The following XIAP variants were observed in gnomAD, a reference collection of about 807,000 sequenced individuals.
The protein encoded by XIAP is E3 ubiquitin-protein ligase XIAP.
A neutral mutation model predicts 33.1 loss-of-function variants in XIAP; 3 were observed. The ratio of observed to expected loss-of-function variants is 0.09; its 90% CI spans 0.04 to 0.23. The LOEUF is 0.23. XIAP is among the 10% of genes least tolerant of loss of function. The pLI, the probability that XIAP is intolerant of heterozygous loss-of-function variation, is 1.00. For missense variants in XIAP, 264 were observed against 363.0 expected, an observed-to-expected ratio of 0.73 and a Z score of 2.22; for synonymous variants, 98 against 121.3, an observed-to-expected ratio of 0.81 and a Z score of 1.26.
At chrX:123,891,079 A>G (rs757852368) in intron 3 of XIAP, among the ~76,000 whole-genome samples, 159 bp from the exon 4 acceptor site, 1 of 112,085 alleles carries the variant, frequency 8.9e-6, no homozygotes, top group African/African-American at 3.2e-5. Context: ...TTAAAATGAC[A>G]GTGGGATAGG....
In XIAP at chrX:123,912,146, T is replaced by C. The variant is rs774688015; in HGVS notation, c.*4965T>C. 6.2e-6 allele frequency: 2 copies of C among 321,631 alleles called. No individual in the cohort carries two copies. Among genetic ancestry groups the C allele is most frequent in the Non-Finnish European group, 1.2e-5 (2 of 168,413 alleles). 26.5% of individuals were successfully genotyped at this position (321,631 alleles called of 1,213,427 possible). A position where few individuals can be genotyped will look rare whatever the true frequency, so the allele number is the denominator to read the frequency against. The stretch of plus-strand genomic sequence containing the variant: ...ATAATAGGACAATCATCAATGCATA[T>C]ATAGCCAGCCCTTCATATCTGTGGG... On this transcript the variant is annotated 3_prime_UTR_variant, in exon 7 of 7. Coordinates refer to ENST00000371199, the MANE Select transcript of XIAP (RefSeq NM_001167.4).
chrX:123,859,769 G>A (rs1263599764), upstream of XIAP: 2 of 206,049 alleles, frequency 9.7e-6, no homozygotes, highest in Non-Finnish European at 8.9e-6. Flanking sequence ...CGGGCGGGGG[G>A]GTCGGGTGGG....
Position 123,881,630 on chromosome X carries a change from A to G in XIAP, c.-32-4001A>G, listed in dbSNP as rs761659915. ...TCTGGGAAGATAAGATCTCCACTCAAAAGCTTCAAATTGAGATTCTCCTGC... is the reference window on the plus strand; with the variant it reads ...TCTGGGAAGATAAGATCTCCACTCAGAAGCTTCAAATTGAGATTCTCCTGC... On this transcript the variant is annotated intron_variant, in intron 1 of 6. Transcript: ENST00000371199. Among the ~76,000 whole-genome samples, 3 of 112,120 alleles carry G rather than the reference A, an allele frequency of 2.7e-5. No homozygotes were observed. The South Asian group carries it at 1.1e-3, about 41-fold the overall frequency.
intron 1 of XIAP, among the ~76,000 whole-genome samples, chrX:123,883,359 C>T (rs1221780802): frequency 9.0e-6 from 1 of 111,381 alleles, no homozygotes; most frequent in Non-Finnish European, 1.9e-5. Context: ...GCTGAGATTA[C>T]AGGCATGAGT....
chrX:123,894,130 G>A (rs1164064200), intron 5 of XIAP, among the ~76,000 whole-genome samples: 3 of 112,338 alleles, frequency 2.7e-5, no homozygotes, highest in African/African-American at 9.7e-5. Flanking sequence ...TCTTCACAGA[G>A]GTGTAAGTTT....
intron 4 of XIAP, among the ~76,000 whole-genome samples, chrX:123,891,842 AAAGAG>A (rs1259681878): frequency 3.7e-5 from 4 of 108,724 alleles, no homozygotes; most frequent in Non-Finnish European, 7.6e-5. Flanking sequence ...AAAAAAAAAA[AAAGAG>A]AGAGCCTAAA....
chrX:123,881,996 C>G (rs1046998547), intron 1 of XIAP, among the ~76,000 whole-genome samples: 2 of 111,495 alleles, frequency 1.8e-5, no homozygotes, highest in African/African-American at 6.5e-5. Context: ...CTCAAGTGAT[C>G]CACCCACCTC....
chrX:123,887,316 G>C (rs774450176), intron 2 of XIAP, among the ~76,000 whole-genome samples: 6 of 112,391 alleles, frequency 5.3e-5, no homozygotes, highest in African/African-American at 1.9e-4. Context: ...CCAAAGTGCT[G>C]GGATTACAGG....
rs149254603 is a variant in XIAP at position 123,912,937 on chromosome X, C to T, written c.*5756C>T. 6.1e-3 allele frequency: 1,854 copies of T among 301,895 alleles called. 28 individuals are homozygous for T. The highest frequency in any genetic ancestry group is 0.047 in the African/African-American group (1,702 of 36,088). 24.9% of individuals were successfully genotyped at this position (301,895 alleles called of 1,213,427 possible). On this transcript the variant is annotated 3_prime_UTR_variant, in exon 7 of 7. Coordinates refer to ENST00000371199, the MANE Select transcript of XIAP (RefSeq NM_001167.4). ...CTGGGATTACAGGCGTGAGCCACCA[C>T]GGCCGGCTAATTTTTGTATTTTTTA... is the stretch of plus-strand genomic sequence containing the variant.
chrX:123,889,909 A>G (rs1163761398), intron 3 of XIAP, among the ~76,000 whole-genome samples: 1 of 108,105 alleles, frequency 9.3e-6, no homozygotes, highest in Admixed American at 1.0e-4. Context: ...GTGAGAGCCC[A>G]TATTGCCAAG....
At position 123,912,742 on chromosome X, in the gene XIAP, T is replaced by C. The variant is rs1476523876; in HGVS notation, c.*5561T>C. 6.1e-6 allele frequency: 2 copies of C among 325,583 alleles called. No homozygotes were observed. The highest frequency in any genetic ancestry group is 5.9e-6 in the Non-Finnish European group (1 of 169,251). 26.8% of individuals were successfully genotyped at this position (325,583 alleles called of 1,213,427 possible). On this transcript the variant is annotated 3_prime_UTR_variant, in exon 7 of 7. Coordinates refer to ENST00000371199, the MANE Select transcript of XIAP (RefSeq NM_001167.4). ...CTGTGTTGCCCAGGATGGAGTGCAA[T>C]GGCACAATCTTGGCTCATGGCAAAC... is the stretch of plus-strand genomic sequence containing the variant.
At chrX:123,872,703 A>G (rs1169645036) in intron 1 of XIAP, 1 of 110,847 alleles carries the variant, frequency 9.0e-6, no homozygotes, top group Non-Finnish European at 1.9e-5. Flanking sequence ...AAGAAACCCA[A>G]TAAGTAGCAA....
In XIAP at chrX:123,907,646, A is replaced by T. The variant is rs1390887286; in HGVS notation, c.*465A>T. The T allele has an allele frequency of 2.7e-5, 10 of 370,772 alleles. 1 individual carries two copies. Among genetic ancestry groups the T allele is most frequent in the African/African-American group, 2.5e-4 (10 of 39,919 alleles). The allele number at this position is 370,772 out of a possible 1,213,427, so 30.6% of individuals were successfully genotyped here. A position where few individuals can be genotyped will look rare whatever the true frequency, so the allele number is the denominator to read the frequency against. ...GTTCCATGCTGGTGGAAAGATAGAG[A>T]TTGTTTTTAGAGGTTGGTTGTTGTG... On this transcript the variant is annotated 3_prime_UTR_variant, in exon 7 of 7. Coordinates refer to ENST00000371199, the MANE Select transcript of XIAP (RefSeq NM_001167.4).
intron 5 of XIAP, among the ~76,000 whole-genome samples, chrX:123,896,306 A>G (rs1040126832): frequency 3.6e-5 from 4 of 110,072 alleles, no homozygotes; most frequent in African/African-American, 9.9e-5. Flanking sequence ...GGCTCAAACA[A>G]TCTGCCTCCC....
At chrX:123,887,011 C>T (rs1035281316) in intron 2 of XIAP, among the ~76,000 whole-genome samples, 7 of 112,034 alleles carry the variant, frequency 6.2e-5, no homozygotes, top group Admixed American at 9.5e-5. Context: ...CCTCCACCTC[C>T]CGGGTTCAAG....
intron 1 of XIAP, chrX:123,874,445 A>G (rs925636679): frequency 1.8e-5 from 2 of 111,350 alleles, no homozygotes; most frequent in Non-Finnish European, 3.8e-5. Flanking sequence ...TTTTCCACTT[A>G]ATACAACATC....
At chrX:123,896,151 C>T (rs1001883026) in intron 5 of XIAP, among the ~76,000 whole-genome samples, 14 of 110,798 alleles carry the variant, frequency 1.3e-4, no homozygotes, top group African/African-American at 3.0e-4. Context: ...ACTGTGGCCT[C>T]GACCTCCCTG....
chrX:123,860,569 TA>T, intron 1 of XIAP: 1 of 248,530 alleles, frequency 4.0e-6, no homozygotes, highest in Non-Finnish European at 7.6e-6. Context: ...AAGAACTTTT[TA>T]AAAAAATATG....
intron 6 of XIAP, among the ~76,000 whole-genome samples, chrX:123,901,183 G>A (rs1215886922): frequency 1.8e-5 from 2 of 111,709 alleles, no homozygotes; most frequent in Non-Finnish European, 3.8e-5. Flanking sequence ...AAAAATATGA[G>A]TTCTACCAGC....
Sources: allele counts gnomAD v4.1 joint callset (sites outside exome capture counted in the v4.1 genomes callset), GRCh38; gene constraint gnomAD v4.1.1; transcripts MANE v1.5; gene names NCBI Gene and HGNC (gene_info 2026-07-23, HGNC 2026-07-21).